XPO4: variants seen among roughly 807,000 people sequenced by gnomAD.
The protein encoded by XPO4 is exportin-4.
In XPO4, 39 loss-of-function variants were observed where a neutral mutation model predicts 143.0. That is an observed-to-expected ratio of 0.27 (90% CI 0.21 to 0.36). XPO4 has a LOEUF of 0.36. Among genes scored for constraint, XPO4 ranks in the 10% least tolerant of loss-of-function variants. The probability of loss-of-function intolerance (pLI) is 1.00; values close to 1 mark genes in which losing one functional copy is unlikely to be tolerated. For missense variants in XPO4, 907 were observed against 1,348.0 expected (o/e 0.67, Z 5.12); for synonymous variants, 439 against 474.0 (o/e 0.93, Z 0.96).
In XPO4 at chr13:20,821,510, C is replaced by G. The variant is rs148508823; in HGVS notation, c.1173+194G>C. On this transcript the variant is annotated intron_variant, in intron 9 of 22. Transcript: ENST00000255305. The stretch of plus-strand genomic sequence containing the variant: ...AAATGCTTAAGACCAGTAAATATCA[C>G]CAACTAAAGCTATTTTAATCCACAA... 4.0e-3 allele frequency among the ~76,000 whole-genome samples: 602 copies of G among 152,292 alleles called. 3 individuals are homozygous for G. The highest frequency in any genetic ancestry group is 0.014 in the African/African-American group (571 of 41,552).
In XPO4 at chr13:20,852,944, T is replaced by G. The variant is rs529868398; in HGVS notation, c.456+2683A>C. 2.1e-5 allele frequency: 21 copies of G among 985,446 alleles called. No individual in the cohort carries two copies. In the East Asian group the frequency reaches 1.5e-3, roughly 69 times the overall value. 61.0% of individuals were successfully genotyped at this position (985,446 alleles called of 1,614,324 possible). On this transcript the variant is annotated intron_variant, in intron 4 of 22. Coordinates refer to ENST00000255305, the MANE Select transcript of XPO4 (RefSeq NM_022459.5). ...AACTGGCTGACTTCATGGAAAATGC[T>G]TTTGCGGTCAATTGATTTATCTAAA...
At chr13:20,864,804 C>A (rs2060230340) in intron 2 of XPO4, among the ~76,000 whole-genome samples, 1 of 151,480 alleles carries the variant, frequency 6.6e-6, no homozygotes, top group Admixed American at 6.6e-5. Flanking sequence ...TCTTAGACCT[C>A]TGCATGGTAT....
At chr13:20,813,900 G>A (rs1221340784) in intron 9 of XPO4, among the ~76,000 whole-genome samples, 1 of 151,374 alleles carries the variant, frequency 6.6e-6, no homozygotes. Flanking sequence ...AGAAGTTGCT[G>A]TGAGCCAATA....
chr13:20,828,824 T>C (rs190218814), intron 6 of XPO4, among the ~76,000 whole-genome samples: 122 of 152,212 alleles, frequency 8.0e-4, no homozygotes, highest in Non-Finnish European at 1.3e-3. Context: ...GCTAACAATA[T>C]AGAGTGAGTT....
At chr13:20,788,642 G>A in intron 19 of XPO4, 26 bp from the exon 20 acceptor site, 1 of 1,565,360 alleles carries the variant, frequency 6.4e-7, no homozygotes, top group Non-Finnish European at 8.6e-7. Context: ...TCAATTATTT[G>A]GATGCTCATT....
chr13:20,834,376 A>AG (rs1167602654), intron 6 of XPO4, among the ~76,000 whole-genome samples: 1 of 152,120 alleles, frequency 6.6e-6, no homozygotes, highest in African/African-American at 2.4e-5. Flanking sequence ...TAATAAAAAA[A>AG]TACTCACAAG....
rs757628197 is a variant in XPO4, at chr13:20,829,601, G to A, written c.728-2422C>T. 4.6e-5 allele frequency among the ~76,000 whole-genome samples: 7 copies of A among 152,262 alleles called. No individual in the cohort carries two copies. The South Asian group carries it at 1.4e-3, about 32-fold the overall frequency. On this transcript the variant is annotated intron_variant, in intron 6 of 22. Coordinates refer to ENST00000255305, the MANE Select transcript of XPO4 (RefSeq NM_022459.5). ...AATGAAAGCCCAAACCTCCCTTCAA[G>A]AGCTGCAGACAGTTCAAGTACAGAG...
chr13:20,822,071 T>C (rs2059726694), intron 8 of XPO4, 61 bp downstream of exon 8: 1 of 1,522,094 alleles, frequency 6.6e-7, no homozygotes. Flanking sequence ...CTTTTTTTCT[T>C]CTACTGTTAA....
chr13:20,862,680 G>A (rs2060213004), intron 3 of XPO4, 37 bp downstream of exon 3: 2 of 1,612,184 alleles, frequency 1.2e-6, no homozygotes, highest in African/African-American at 1.3e-5. Context: ...CATAAGCTCA[G>A]CAAAAGTATT....
intron 1 of XPO4, among the ~76,000 whole-genome samples, chr13:20,878,207 G>T (rs2060371746): frequency 6.6e-6 from 1 of 152,110 alleles, no homozygotes; most frequent in African/African-American, 2.4e-5. Flanking sequence ...GGAAGTTTGG[G>T]GTATCATTAT....
chr13:20,895,539 G>A lies in XPO4; in HGVS notation c.69+7131C>T, dbSNP rs1480216045. 3.3e-5 allele frequency among the ~76,000 whole-genome samples: 5 copies of A among 151,940 alleles called. No homozygotes were observed. In the East Asian group the frequency reaches 7.7e-4, roughly 24 times the overall value. On this transcript the variant is annotated intron_variant, in intron 1 of 22. Transcript: ENST00000255305. Reference sequence around the variant, plus strand: ...CCTAGCTACTCGGGAGGCTGAGGAAGGAGAATCACTTGAACCTGAGAGGCA... The same window carrying A: ...CCTAGCTACTCGGGAGGCTGAGGAAAGAGAATCACTTGAACCTGAGAGGCA...
chr13:20,826,327 A>G (rs1286865434), intron 7 of XPO4, among the ~76,000 whole-genome samples: 2 of 152,266 alleles, frequency 1.3e-5, no homozygotes, highest in Non-Finnish European at 2.9e-5. Flanking sequence ...AATGACTCAT[A>G]AATATAATAA....
chr13:20,791,408 T>C (rs1202108638), intron 18 of XPO4, among the ~76,000 whole-genome samples: 1 of 152,176 alleles, frequency 6.6e-6, no homozygotes, highest in Non-Finnish European at 1.5e-5. Context: ...CAGACAGCCT[T>C]GTCCACAGAA....
At position 20,843,965 on chromosome 13, in the gene XPO4, T is replaced by C. The variant is rs45440591; in HGVS notation, c.457-79A>G. Reference sequence around the variant, plus strand: ...TTTCAATGCATTTGTTCAAACATAATAGAACATTTTCTCCCTAACTTTAGA... The same window carrying C: ...TTTCAATGCATTTGTTCAAACATAACAGAACATTTTCTCCCTAACTTTAGA... On this transcript the variant is annotated intron_variant, in intron 4 of 22. Coordinates refer to ENST00000255305, the MANE Select transcript of XPO4 (RefSeq NM_022459.5). 1.3e-3 allele frequency: 1,418 copies of C among 1,052,336 alleles called. 11 individuals carry two copies. The African/African-American group carries it at 0.015, about 11-fold the overall frequency. 65.2% of individuals were successfully genotyped at this position (1,052,336 alleles called of 1,614,324 possible).
intron 9 of XPO4, among the ~76,000 whole-genome samples, chr13:20,816,829 T>C (rs988629698): frequency 1.3e-5 from 2 of 152,252 alleles, no homozygotes; most frequent in African/African-American, 4.8e-5. Context: ...TACGAATCTG[T>C]ATTTAAGGTA....
Position 20,843,080 on chromosome 13 carries a change from G to A in XPO4, c.574-32C>T. 6.5e-6 allele frequency: 10 copies of A among 1,543,508 alleles called. No individual in the cohort carries two copies. The Middle Eastern group carries it at 6.8e-4, about 106-fold the overall frequency. Reference sequence around the variant, plus strand: ...TCAATAAATCACAAATATTTTATATGAAAAATTTATTCAAAATGTATCCCC... The same window carrying A: ...TCAATAAATCACAAATATTTTATATAAAAAATTTATTCAAAATGTATCCCC... On this transcript the variant is annotated intron_variant, in intron 5 of 22. Transcript: ENST00000255305.
chr13:20,871,166 G>A (rs992754242), intron 1 of XPO4, among the ~76,000 whole-genome samples: 4 of 151,792 alleles, frequency 2.6e-5, no homozygotes, highest in African/African-American at 7.3e-5. Flanking sequence ...GAGTTTGTGG[G>A]GTTTTTGTTT....
chr13:20,868,447 G>A (rs2060263833), intron 2 of XPO4, 149 bp downstream of exon 2: 2 of 1,218,748 alleles, frequency 1.6e-6, no homozygotes, highest in Non-Finnish European at 2.1e-6. Flanking sequence ...TATCTTTAAA[G>A]CTACTCCAGT....
At chr13:20,837,485 C>A (rs1476993429) in intron 6 of XPO4, among the ~76,000 whole-genome samples, 3 of 151,908 alleles carry the variant, frequency 2.0e-5, no homozygotes, top group Non-Finnish European at 4.4e-5. Context: ...AGCTCACTGC[C>A]ACCTCTGACC....
Sources: gnomAD v4.1 joint callset for allele counts (sites outside exome capture counted in the v4.1 genomes callset) on GRCh38, gnomAD v4.1.1 for gene constraint, MANE v1.5 for transcripts, NCBI Gene and HGNC (gene_info 2026-07-23, HGNC 2026-07-21) for gene names.